FGGY: variants seen among roughly 807,000 people sequenced by gnomAD.
FGGY encodes FGGY carbohydrate kinase domain containing, also known as FGGY carbohydrate kinase domain-containing protein.
FGGY carries 72 observed loss-of-function variants against 71.3 expected under a neutral mutation model. The ratio of observed to expected loss-of-function variants is 1.01; its 90% CI spans 0.84 to 1.23. FGGY has a LOEUF of 1.23. Ranked by LOEUF, FGGY falls within the 50% of genes most tolerant of loss-of-function variation. FGGY has a pLI of 0.00. For synonymous variants in FGGY, 251 were observed against 250.3 expected (o/e 1.00, Z -0.02); for missense variants, 668 against 682.3 (o/e 0.98, Z 0.23).
intron 8 of FGGY, among the ~76,000 whole-genome samples, chr1:59,579,999 T>C (rs1043312166): frequency 2.0e-5 from 3 of 152,160 alleles, no homozygotes; most frequent in African/African-American, 4.8e-5. Context: ...CCACAGGGCC[T>C]TTGTACTTGC....
At chr1:59,654,968 TCCC>T (rs547264176) in intron 11 of FGGY, among the ~76,000 whole-genome samples, 1 of 151,694 alleles carries the variant, frequency 6.6e-6, no homozygotes, top group Non-Finnish European at 1.5e-5. Flanking sequence ...CTTGCAAGAG[TCCC>T]CCCACTCTGT....
intron 6 of FGGY, among the ~76,000 whole-genome samples, chr1:59,475,124 T>G (rs1289975980): frequency 6.6e-6 from 1 of 152,212 alleles, no homozygotes; most frequent in Non-Finnish European, 1.5e-5. Context: ...ATTGCCAACT[T>G]CTAGATTTGG....
At chr1:59,583,762 G>A (rs2153752264) in intron 8 of FGGY, among the ~76,000 whole-genome samples, 1 of 142,304 alleles carries the variant, frequency 7.0e-6, no homozygotes, top group East Asian at 2.1e-4. Flanking sequence ...CCCGAGCCAG[G>A]AGAGCCAGTG....
At chr1:59,611,027 G>T (rs892649709) in intron 9 of FGGY, among the ~76,000 whole-genome samples, 3 of 152,190 alleles carry the variant, frequency 2.0e-5, no homozygotes, top group African/African-American at 7.2e-5. Flanking sequence ...GCTCTAACTG[G>T]GTGGAGCCCA....
intron 13 of FGGY, among the ~76,000 whole-genome samples, chr1:59,671,806 A>G (rs1325362230): frequency 6.6e-6 from 1 of 152,188 alleles, no homozygotes; most frequent in African/African-American, 2.4e-5. Context: ...AAGATTAGGT[A>G]TCTTGCCTAG....
chr1:59,367,906 CT>C lies in FGGY; in HGVS notation c.466-10835del, dbSNP rs950037805. On this transcript the variant is annotated intron_variant, in intron 4 of 15. Coordinates refer to ENST00000303721, the MANE Select transcript of FGGY (RefSeq NM_018291.5). ...TGGTTTGATGAAGTAATAATTTTTT[CT>C]TTTTTTTAAAAAAAGCTGTTCTCTT... 2.0e-5 allele frequency among the ~76,000 whole-genome samples: 3 copies of C among 151,998 alleles called. 1 individual carries two copies. The highest frequency in any genetic ancestry group is 4.2e-4 in the South Asian group (2 of 4,814).
intron 4 of FGGY, among the ~76,000 whole-genome samples, chr1:59,368,784 G>C (rs184698865): frequency 1.3e-5 from 2 of 152,160 alleles, no homozygotes; most frequent in African/African-American, 2.4e-5. Context: ...TGTGAATCAG[G>C]TAGCCTAATA....
chr1:59,345,447 A>G (rs2051635185), intron 3 of FGGY, among the ~76,000 whole-genome samples: 1 of 150,776 alleles, frequency 6.6e-6, no homozygotes. Context: ...TGTGTGGACT[A>G]CAGGGTGGTA....
intron 1 of FGGY, among the ~76,000 whole-genome samples, chr1:59,311,578 C>CT (rs2044337326): frequency 6.6e-6 from 1 of 152,104 alleles, no homozygotes; most frequent in Non-Finnish European, 1.5e-5. Flanking sequence ...GATCTCATTC[C>CT]TTTTTATGGC....
chr1:59,546,808 G>A (rs574688075), intron 7 of FGGY, among the ~76,000 whole-genome samples: 3 of 152,004 alleles, frequency 2.0e-5, no homozygotes, highest in Non-Finnish European at 4.4e-5. Flanking sequence ...GCCTCCCAAA[G>A]TGCTGGGATT....
At chr1:59,336,200 A>G (rs940196130) in intron 2 of FGGY, among the ~76,000 whole-genome samples, 3 of 152,066 alleles carry the variant, frequency 2.0e-5, no homozygotes, top group African/African-American at 7.2e-5. Flanking sequence ...TTTTGCATAT[A>G]GTCATATAGT....
At chr1:59,653,742 T>C (rs976656510) in intron 11 of FGGY, among the ~76,000 whole-genome samples, 3 of 152,252 alleles carry the variant, frequency 2.0e-5, no homozygotes, top group African/African-American at 4.8e-5. Context: ...AGCTGTAGAC[T>C]GGAGCTGTTC....
chr1:59,593,331 A>G (rs1208384376), intron 8 of FGGY, among the ~76,000 whole-genome samples: 2 of 152,216 alleles, frequency 1.3e-5, no homozygotes. Flanking sequence ...GCCTTCAAGA[A>G]AAACAGAATT....
chr1:59,700,509 AAGAGTTTATGTTATT>A (rs1362869867), intron 14 of FGGY, among the ~76,000 whole-genome samples: 3 of 152,148 alleles, frequency 2.0e-5, no homozygotes, highest in African/African-American at 7.2e-5. Context: ...CGTGTGCAAT[AAGAGTTTATGTTATT>A]AGTTTTTCCT....
intron 14 of FGGY, among the ~76,000 whole-genome samples, chr1:59,744,148 A>T (rs1490935434): frequency 6.6e-6 from 1 of 152,234 alleles, no homozygotes; most frequent in Non-Finnish European, 1.5e-5. Flanking sequence ...TTTTAACTTT[A>T]TGAGTAATTA....
At chr1:59,346,764 AAT>A (rs2052020907) in intron 4 of FGGY, among the ~76,000 whole-genome samples, 1 of 152,124 alleles carries the variant, frequency 6.6e-6, no homozygotes, top group Non-Finnish European at 1.5e-5. Flanking sequence ...ACAGAACCAG[AAT>A]TTGAACCTAA....
intron 9 of FGGY, among the ~76,000 whole-genome samples, chr1:59,613,697 A>G (rs1021023267): frequency 2.0e-3 from 300 of 152,288 alleles, no homozygotes; most frequent in Non-Finnish European, 3.4e-3. Flanking sequence ...CAAAAAATCG[A>G]TGCATCCAGA....
At chr1:59,743,602 C>CTT (rs56166782) in intron 14 of FGGY, among the ~76,000 whole-genome samples, 43 of 147,886 alleles carry the variant, frequency 2.9e-4, no homozygotes, top group South Asian at 6.4e-4. Flanking sequence ...ATTTCCAGAT[C>CTT]TTTTTTTTTT....
At chr1:59,707,726 A>G (rs563432672) in intron 14 of FGGY, among the ~76,000 whole-genome samples, 1 of 152,194 alleles carries the variant, frequency 6.6e-6, no homozygotes, top group Non-Finnish European at 1.5e-5. Context: ...CAGCCCATTC[A>G]AATGAAGCCC....
Sources: gnomAD v4.1 joint callset for allele counts (sites outside exome capture counted in the v4.1 genomes callset) on GRCh38, gnomAD v4.1.1 for gene constraint, MANE v1.5 for transcripts, NCBI Gene and HGNC (gene_info 2026-07-23, HGNC 2026-07-21) for gene names.